The following FRMD5 variants were observed in gnomAD, a reference collection of about 807,000 sequenced individuals.
The protein encoded by FRMD5 is FERM domain containing 5, also known as FERM domain-containing protein 5.
Under a neutral mutation model 69.0 loss-of-function variants are expected in FRMD5, and 20 were observed. The observed-to-expected ratio is 0.29, with a 90% confidence interval of 0.20 to 0.42. The LOEUF is 0.42. Ranked by LOEUF, FRMD5 falls within the 10% of genes least tolerant of loss-of-function variation. FRMD5 has a pLI of 1.00. For synonymous variants in FRMD5, 271 were observed against 260.1 expected (o/e 1.04, Z -0.40); for missense variants, 595 against 708.6 (o/e 0.84, Z 1.82).
chr15:44,031,461 C>CT (rs1218145129), intron 1 of FRMD5, among the ~76,000 whole-genome samples: 1 of 152,130 alleles, frequency 6.6e-6, no homozygotes, highest in Non-Finnish European at 1.5e-5. Context: ...TTCATGGTGT[C>CT]TGGTAAGGGC....
At chr15:44,004,257 TTTTA>T (rs1227833008) in intron 1 of FRMD5, among the ~76,000 whole-genome samples, 42 of 152,236 alleles carry the variant, frequency 2.8e-4, no homozygotes, top group Admixed American at 2.7e-3. Flanking sequence ...ATGCCATAGT[TTTTA>T]TTTAACATGT....
At chr15:44,119,154 A>C (rs1453921535) in intron 1 of FRMD5, among the ~76,000 whole-genome samples, 1 of 151,952 alleles carries the variant, frequency 6.6e-6, no homozygotes, top group Non-Finnish European at 1.5e-5. Flanking sequence ...ACAGGGTCTT[A>C]CCATGCTGCC....
chr15:43,909,771 C>A, intron 5 of FRMD5, 111 bp downstream of exon 5: 1 of 633,864 alleles, frequency 1.6e-6, no homozygotes. Flanking sequence ...TGAGCCACAG[C>A]ACCTGGCCTA....
intron 1 of FRMD5, among the ~76,000 whole-genome samples, chr15:44,148,517 C>T (rs1002441898): frequency 1.3e-5 from 2 of 152,116 alleles, no homozygotes; most frequent in African/African-American, 2.4e-5. Context: ...ATGATCCGCC[C>T]GCCTCGGCCT....
chr15:44,149,393 C>T (rs2140466938), intron 1 of FRMD5, among the ~76,000 whole-genome samples: 1 of 151,818 alleles, frequency 6.6e-6, no homozygotes, highest in African/African-American at 2.4e-5. Context: ...AGAAAACAAA[C>T]AACAAAATGA....
At chr15:43,972,089 T>G (rs1019041337) in intron 1 of FRMD5, among the ~76,000 whole-genome samples, 27 of 148,040 alleles carry the variant, frequency 1.8e-4, no homozygotes, top group Non-Finnish European at 3.4e-4. Flanking sequence ...TATATATATA[T>G]AAAGATTTTC....
intron 1 of FRMD5, among the ~76,000 whole-genome samples, chr15:43,970,606 C>T (rs2090360149): frequency 6.6e-6 from 1 of 152,156 alleles, no homozygotes; most frequent in Non-Finnish European, 1.5e-5. Flanking sequence ...GTGTGACAGA[C>T]ACCACACTTG....
chr15:44,028,654 G>C (rs369579066), intron 1 of FRMD5, among the ~76,000 whole-genome samples: 22 of 152,300 alleles, frequency 1.4e-4, no homozygotes, highest in African/African-American at 4.3e-4. Flanking sequence ...AGAGGCTCAG[G>C]GGGGTGCAAC....
chr15:43,900,909 GC>G (rs1383111639), intron 7 of FRMD5, among the ~76,000 whole-genome samples: 3 of 152,100 alleles, frequency 2.0e-5, no homozygotes, highest in Admixed American at 2.0e-4. Context: ...GAGCCACTGC[GC>G]CCGGCATTCC....
intron 1 of FRMD5, among the ~76,000 whole-genome samples, chr15:44,034,644 T>C (rs1041099812): frequency 6.6e-6 from 1 of 152,250 alleles, no homozygotes; most frequent in Non-Finnish European, 1.5e-5. Context: ...TAGCACTGTC[T>C]GGAGCAGGAA....
At chr15:44,193,835 G>C (rs1435031519) in intron 1 of FRMD5, among the ~76,000 whole-genome samples, 1 of 152,204 alleles carries the variant, frequency 6.6e-6, no homozygotes, top group Non-Finnish European at 1.5e-5. Context: ...AATAAATAAG[G>C]AGGCGGGGGG....
intron 1 of FRMD5, among the ~76,000 whole-genome samples, chr15:44,117,773 A>G (rs896699437): frequency 2.6e-5 from 4 of 152,144 alleles, no homozygotes; most frequent in African/African-American, 9.7e-5. Context: ...TATAAATACA[A>G]TCAGGGGACC....
chr15:44,140,497 T>C lies in FRMD5; in HGVS notation c.102+54456A>G, dbSNP rs2077253526. On this transcript the variant is annotated intron_variant, in intron 1 of 13. Transcript: ENST00000417257. ...GTTTTGGAGGTCCCAGACAATACAA[T>C]AAAGCAAGAAGAAAAATAAAAGGCA... is the stretch of plus-strand genomic sequence containing the variant. 1.3e-5 allele frequency among the ~76,000 whole-genome samples: 2 copies of C among 151,936 alleles called. 1 individual carries two copies. The highest frequency in any genetic ancestry group is 1.3e-4 in the Admixed American group (2 of 15,248).
chr15:43,873,651 G>A lies in FRMD5; in HGVS notation c.*234C>T. 13 of 1,492,028 alleles carry A rather than the reference G, an allele frequency of 8.7e-6. No individual in the cohort carries two copies. The highest frequency in any genetic ancestry group is 1.2e-5 in the Non-Finnish European group (13 of 1,130,230). 92.4% of individuals were successfully genotyped at this position (1,492,028 alleles called of 1,614,324 possible). ...GAAAGATGAGAAACAGAGTCGCTGA[G>A]CCTTTCTTGAAATAACTTCTGAAGA... On this transcript the variant is annotated 3_prime_UTR_variant, in exon 14 of 14. Coordinates refer to ENST00000417257, the MANE Select transcript of FRMD5 (RefSeq NM_032892.5).
Position 44,007,886 on chromosome 15 carries a change from C to T in FRMD5, c.103-83577G>A, listed in dbSNP as rs150787738. Among the ~76,000 whole-genome samples, 1,112 of 151,918 alleles carry T rather than the reference C, an allele frequency of 7.3e-3. 21 individuals carry two copies. Among genetic ancestry groups the T allele is most frequent in the African/African-American group, 0.026 (1,062 of 41,402 alleles). On this transcript the variant is annotated intron_variant, in intron 1 of 13. Coordinates refer to ENST00000417257, the MANE Select transcript of FRMD5 (RefSeq NM_032892.5). Reference sequence around the variant, plus strand: ...CTGGAATTCCCGACCTCAGGTGATCCACCCGCCTTGGCCTCCCAAAGTACT... The same window carrying T: ...CTGGAATTCCCGACCTCAGGTGATCTACCCGCCTTGGCCTCCCAAAGTACT...
At chr15:44,000,366 G>A (rs561302885) in intron 1 of FRMD5, among the ~76,000 whole-genome samples, 22 of 152,012 alleles carry the variant, frequency 1.4e-4, no homozygotes, top group African/African-American at 5.1e-4. Flanking sequence ...TGTGAATAAC[G>A]CTGCAATGAA....
chr15:43,913,311 TGGGAAGA>T (rs968391927), intron 4 of FRMD5, among the ~76,000 whole-genome samples: 4 of 152,034 alleles, frequency 2.6e-5, no homozygotes, highest in African/African-American at 9.7e-5. Flanking sequence ...TAAAACTAGA[TGGGAAGA>T]GGGAAAAGGA....
At chr15:43,965,464 T>C (rs1379662355) in intron 1 of FRMD5, among the ~76,000 whole-genome samples, 1 of 152,148 alleles carries the variant, frequency 6.6e-6, no homozygotes, top group Non-Finnish European at 1.5e-5. Flanking sequence ...ACATAGCTAA[T>C]GTGTCTAGGT....
At chr15:44,118,861 G>T (rs1321358675) in intron 1 of FRMD5, among the ~76,000 whole-genome samples, 2 of 152,092 alleles carry the variant, frequency 1.3e-5, no homozygotes, top group African/African-American at 2.4e-5. Context: ...CTGCAGCCTC[G>T]ACCTCCTGTG....
Sources: gnomAD v4.1 joint callset for allele counts (sites outside exome capture counted in the v4.1 genomes callset) on GRCh38, gnomAD v4.1.1 for gene constraint, MANE v1.5 for transcripts, NCBI Gene and HGNC (gene_info 2026-07-23, HGNC 2026-07-21) for gene names.